Variants in CEP152 observed in about 807,000 individuals in gnomAD.
CEP152 encodes the protein centrosomal protein of 152 kDa.
Under a neutral mutation model 188.9 loss-of-function variants are expected in CEP152, and 132 were observed. The observed-to-expected ratio is 0.70, with a 90% CI of 0.61 to 0.81. The LOEUF is 0.81. Ranked by LOEUF, CEP152 falls within the 30% of genes least tolerant of loss-of-function variation. CEP152 has a pLI of 0.00. For missense variants in CEP152, 1,914 were observed against 1,969.8 expected, an observed-to-expected ratio of 0.97 and a Z score of 0.54; for synonymous variants, 649 against 666.6, an observed-to-expected ratio of 0.97 and a Z score of 0.41.
chr15:48,771,213 G>T (rs1375420213), intron 13 of CEP152, among the ~76,000 whole-genome samples: 1 of 152,108 alleles, frequency 6.6e-6, no homozygotes, highest in Non-Finnish European at 1.5e-5. Context: ...AAATATCTTT[G>T]ACTTACTTAT....
chr15:48,736,936 A>G (rs959090221), downstream of CEP152, among the ~76,000 whole-genome samples: 6 of 152,192 alleles, frequency 3.9e-5, no homozygotes, highest in African/African-American at 1.4e-4. Flanking sequence ...GTTTTTTTCT[A>G]GAGTGAGAGA....
intron 2 of CEP152, among the ~76,000 whole-genome samples, chr15:48,731,423 C>T (rs1595571915): frequency 6.6e-6 from 1 of 152,076 alleles, no homozygotes; most frequent in Non-Finnish European, 1.5e-5. Context: ...CTGACGAAAA[C>T]GAGCAATGGG....
At chr15:48,750,768 A>G (rs1249955116) in intron 21 of CEP152, among the ~76,000 whole-genome samples, 2 of 152,208 alleles carry the variant, frequency 1.3e-5, no homozygotes, top group Non-Finnish European at 1.5e-5. Flanking sequence ...AACTATTTTT[A>G]TAATGTTAAA....
chr15:48,782,285 T>A, intron 10 of CEP152, 55 bp from the exon 11 acceptor site: 3 of 1,461,144 alleles, frequency 2.1e-6, no homozygotes, highest in Non-Finnish European at 2.9e-6. Context: ...ACAAAGTGCT[T>A]ATGATCTACA....
At chr15:48,741,457 G>A (rs535835524) in intron 26 of CEP152, 144 bp downstream of exon 26, 46 of 1,521,518 alleles carry the variant, frequency 3.0e-5, no homozygotes, top group Admixed American at 6.4e-5. Flanking sequence ...CTCTTTTTGC[G>A]TAAACTTCTA....
chr15:48,798,518 G>A (rs1376902178), intron 2 of CEP152, among the ~76,000 whole-genome samples: 1 of 144,628 alleles, frequency 6.9e-6, no homozygotes, highest in Non-Finnish European at 1.5e-5. Flanking sequence ...AGCAGCAGGT[G>A]GCCTAGAAGC....
chr15:48,746,143 TATA>T (rs1193886779), intron 22 of CEP152, among the ~76,000 whole-genome samples: 3 of 152,162 alleles, frequency 2.0e-5, no homozygotes, highest in African/African-American at 4.8e-5. Context: ...ATAGCAAAGA[TATA>T]ATAACCTACT....
chr15:48,742,084 A>G lies in CEP152; in HGVS notation c.3852T>C (p.Tyr1284=), dbSNP rs199898600. The change falls in exon 25 of 27, where the codon TAT becomes TAC. Residue 1284 remains tyrosine, a synonymous_variant. Transcript: ENST00000380950. ...VKKIKCDMLR[Y]IQESKERAAE... is the part of the protein sequence containing the mutation. ...CAGCTCGTTCCTTACTCTCCTGAAT[A>G]TAACGAAGCATGTCACCTATAGGGA... The G allele has an allele frequency of 1.5e-4, 241 of 1,613,998 alleles. No individual in the cohort carries two copies. Among genetic ancestry groups the G allele is most frequent in the South Asian group, 7.2e-4 (66 of 91,088 alleles).
chr15:48,739,917 T>C (rs1405988823), intron 26 of CEP152, among the ~76,000 whole-genome samples: 1 of 152,198 alleles, frequency 6.6e-6, no homozygotes, highest in Non-Finnish European at 1.5e-5. Context: ...TATATGTTAC[T>C]GCCTTTTCAT....
At position 48,744,293 on chromosome 15, in the gene CEP152, C is replaced by T. The variant is rs780171076; in HGVS notation, c.3782G>A (p.Gly1261Glu). The change falls in exon 24 of 27, where the codon GGA (glycine) becomes GAA (glutamate). Residue 1261 changes from glycine to glutamate, a missense_variant. Coordinates refer to ENST00000380950, the MANE Select transcript of CEP152 (RefSeq NM_001194998.2). ...IENACLPCSG[G>E]ALEELRGQYI... ...CTGCCCACGAAGTTCTTCCAAGGCT[C>T]CCCCACTGCATGGCAGGCAAGCATT... 3 of 1,613,976 alleles carry T rather than the reference C, an allele frequency of 1.9e-6. No homozygotes were observed. The highest frequency in any genetic ancestry group is 2.2e-5 in the South Asian group (2 of 91,082).
In CEP152 at chr15:48,805,630, CT is replaced by C. The variant is rs1430974541; in HGVS notation, c.19del (p.Ser7ValfsTer67). 1 of 1,609,326 alleles carries C rather than the reference CT, an allele frequency of 6.2e-7. No individual in the cohort carries two copies. MSLDFG[S>X]VALPVQNEDE... ...TTCATTTTGCACTGGTAGTGCCACA[CT>C]GCCAAAGTCTAATGACATGGTCCTC... On this transcript the variant is annotated frameshift_variant, in exon 2 of 27. Transcript: ENST00000380950. LOFTEE classifies it high-confidence loss of function.
chr15:48,731,611 A>G (rs1451974589), intron 2 of CEP152, among the ~76,000 whole-genome samples: 1 of 152,244 alleles, frequency 6.6e-6, no homozygotes, highest in Non-Finnish European at 1.5e-5. Context: ...AATACCATTT[A>G]GGACATAGGC....
chr15:48,754,647 C>A (rs1894127222), intron 20 of CEP152, among the ~76,000 whole-genome samples: 1 of 152,156 alleles, frequency 6.6e-6, no homozygotes, highest in Non-Finnish European at 1.5e-5. Flanking sequence ...AAAATATCAA[C>A]TGGGGTGAAG....
chr15:48,779,460 G>C (rs1896114785), intron 12 of CEP152, among the ~76,000 whole-genome samples: 1 of 152,186 alleles, frequency 6.6e-6, no homozygotes, highest in African/African-American at 2.4e-5. Context: ...TATAAAATCT[G>C]ATCAGTGATA....
chr15:48,764,799 A>G (rs1372865205), intron 17 of CEP152, among the ~76,000 whole-genome samples: 2 of 152,214 alleles, frequency 1.3e-5, no homozygotes, highest in Non-Finnish European at 2.9e-5. Flanking sequence ...AAAACAATGC[A>G]TGAAACATAA....
chr15:48,752,013 C>T (rs560556273), intron 21 of CEP152, among the ~76,000 whole-genome samples: 1 of 152,268 alleles, frequency 6.6e-6, no homozygotes, highest in East Asian at 1.9e-4. Context: ...AAATTAGTTT[C>T]AGTAATTTGA....
intron 26 of CEP152, among the ~76,000 whole-genome samples, chr15:48,739,839 G>T (rs1221643789): frequency 6.6e-6 from 1 of 152,164 alleles, no homozygotes; most frequent in East Asian, 1.9e-4. Flanking sequence ...CCATGAAAAG[G>T]ATTTGCTTCT....
intron 19 of CEP152, among the ~76,000 whole-genome samples, chr15:48,758,277 T>C (rs1228528984): frequency 1.3e-5 from 2 of 152,232 alleles, no homozygotes; most frequent in African/African-American, 4.8e-5. Context: ...TAGCCAATGC[T>C]ATGGAACCGG....
intron 12 of CEP152, 62 bp from the exon 13 acceptor site, chr15:48,772,753 C>A (rs1595652858): frequency 7.1e-7 from 1 of 1,401,584 alleles, no homozygotes; most frequent in South Asian, 1.2e-5. Flanking sequence ...TGGTTATTCC[C>A]TAAAAGCACT....
Sources: gnomAD v4.1 joint callset for allele counts (sites outside exome capture counted in the v4.1 genomes callset) on GRCh38, gnomAD v4.1.1 for gene constraint, MANE v1.5 for transcripts, NCBI Gene and HGNC (gene_info 2026-07-23, HGNC 2026-07-21) for gene names.